Variants in TMEM64 observed in about 807,000 individuals in gnomAD.
TMEM64 encodes the protein transmembrane protein 64.
A neutral mutation model predicts 24.5 loss-of-function variants in TMEM64; 19 were observed. That is an observed-to-expected ratio of 0.78 (90% CI 0.54 to 1.14). The LOEUF (loss-of-function observed/expected upper bound fraction) is 1.14. Among genes scored for constraint, TMEM64 ranks in the 50% most tolerant of loss-of-function variants. TMEM64 has a pLI of 0.00. For missense variants in TMEM64, 487 were observed against 493.0 expected (o/e 0.99, Z 0.12); for synonymous variants, 262 against 224.7 (o/e 1.17, Z -1.49).
At chr8:90,635,289 T>C (rs1364600563) in intron 1 of TMEM64, among the ~76,000 whole-genome samples, 1 of 152,176 alleles carries the variant, frequency 6.6e-6, no homozygotes, top group African/African-American at 2.4e-5. Flanking sequence ...AGTATGAGTT[T>C]GGCAAGCAAA....
chr8:90,634,229 C>G (rs1157438621), intron 1 of TMEM64, among the ~76,000 whole-genome samples: 1 of 152,122 alleles, frequency 6.6e-6, no homozygotes, highest in Non-Finnish European at 1.5e-5. Flanking sequence ...TAATCAATAA[C>G]TTCTCCATGG....
At position 90,628,275 on chromosome 8, in the gene TMEM64, G is replaced by T. The variant is rs145350231; in HGVS notation, c.952-2413C>A. Among the ~76,000 whole-genome samples the T allele has an allele frequency of 2.1e-3, 324 of 152,298 alleles. 2 individuals are homozygous for T. Among genetic ancestry groups the T allele is most frequent in the African/African-American group, 7.5e-3 (313 of 41,568 alleles). On this transcript the variant is annotated intron_variant, in intron 2 of 2. Coordinates refer to ENST00000458549, the MANE Select transcript of TMEM64 (RefSeq NM_001008495.4). ...TAACTGGAAAGCAAGCTAAGCAGGG[G>T]CAGGAACATAAGAAGTTAACAGATT...
At chr8:90,638,376 C>T (rs112142749) in intron 1 of TMEM64, among the ~76,000 whole-genome samples, 2,982 of 152,206 alleles carry the variant, frequency 0.02, 82 homozygotes, top group African/African-American at 0.068. Flanking sequence ...CCATTTACTC[C>T]GAAAACTCCT....
chr8:90,640,460 T>C (rs1809588505), intron 1 of TMEM64, among the ~76,000 whole-genome samples: 1 of 152,192 alleles, frequency 6.6e-6, no homozygotes, highest in Non-Finnish European at 1.5e-5. Flanking sequence ...AGAACATTTG[T>C]CTTTTTAAAA....
chr8:90,634,345 A>G (rs1407827816), intron 1 of TMEM64, among the ~76,000 whole-genome samples: 1 of 152,218 alleles, frequency 6.6e-6, no homozygotes, highest in East Asian at 1.9e-4. Flanking sequence ...TACTAGAACT[A>G]AAACATGGGT....
intron 1 of TMEM64, among the ~76,000 whole-genome samples, chr8:90,642,605 C>T (rs1353544769): frequency 6.6e-6 from 1 of 152,200 alleles, no homozygotes; most frequent in Non-Finnish European, 1.5e-5. Flanking sequence ...TCAGCCTTAA[C>T]TAAGCTTTCT....
intron 1 of TMEM64, among the ~76,000 whole-genome samples, chr8:90,642,415 T>A (rs115243353): frequency 0.15 from 21,881 of 149,926 alleles, 3,092 homozygotes; most frequent in African/African-American, 0.39. Context: ...TAACTGGAAT[T>A]TTTTTCTTTA....
At chr8:90,642,860 G>C (rs1481646243) in intron 1 of TMEM64, among the ~76,000 whole-genome samples, 1 of 152,196 alleles carries the variant, frequency 6.6e-6, no homozygotes, top group Non-Finnish European at 1.5e-5. Context: ...TTCCTGGATG[G>C]TTGAGCCTCT....
rs1809680686 is a variant in TMEM64, at chr8:90,645,500, A to G, written c.406T>C (p.Ser136Pro). The change falls in exon 1 of 3, where the codon TCC (serine) becomes CCC (proline). Residue 136 changes from serine to proline, a missense_variant. Physicochemically the swap from Ser to Pro is moderately conservative, Grantham distance 74 (BLOSUM62 -1). Around this residue, in one of 3 missense-constraint regions of TMEM64, gnomAD observed 419 missense variants for 407.5 expected, o/e 1.03. Coordinates refer to ENST00000458549, the MANE Select transcript of TMEM64 (RefSeq NM_001008495.4). This position sits in a 1 kb window ranked among gnomAD's most constrained non-coding sequence, Gnocchi z 4.2. ...VCVLAALCFASLALVRRYLHH... is the reference protein window; with the variant it reads ...VCVLAALCFAPLALVRRYLHH... Reference sequence around the variant, plus strand: ...AGGTAGCGGCGGACCAGGGCCAGGGAAGCGAAGCACAGGGCGGCCAACACG... The same window carrying G: ...AGGTAGCGGCGGACCAGGGCCAGGGGAGCGAAGCACAGGGCGGCCAACACG... The G allele has an allele frequency of 6.4e-7, 1 of 1,550,860 alleles. No homozygotes were observed. Among genetic ancestry groups the G allele is most frequent in the Non-Finnish European group, 8.7e-7 (1 of 1,146,974 alleles).
intron 2 of TMEM64, 34 bp downstream of exon 2, chr8:90,631,518 G>GA: frequency 2.7e-6 from 4 of 1,461,170 alleles, no homozygotes; most frequent in African/African-American, 1.4e-5. Flanking sequence ...GAAACAGAGA[G>GA]AAAAAAAGAG....
rs958132812 is a variant in TMEM64 at position 90,622,095 on chromosome 8, A to C, written c.*3576T>G. On this transcript the variant is annotated 3_prime_UTR_variant, in exon 3 of 3. Coordinates refer to ENST00000458549, the MANE Select transcript of TMEM64 (RefSeq NM_001008495.4). ...TTTCCCTTTAGAATGATCTATTTTA[A>C]ATCTTCAGCCACCTTAGAAAAAGTT... 1.3e-5 allele frequency: 2 copies of C among 152,196 alleles called. No individual in the cohort carries two copies. The highest frequency in any genetic ancestry group is 4.8e-5 in the African/African-American group (2 of 41,446). The allele number at this position is 152,196 out of a possible 1,614,324, so 9.4% of individuals were successfully genotyped here. A position where few individuals can be genotyped will look rare whatever the true frequency, so the allele number is the denominator to read the frequency against.
At chr8:90,633,546 C>A (rs376871125) in intron 1 of TMEM64, among the ~76,000 whole-genome samples, 1 of 152,160 alleles carries the variant, frequency 6.6e-6, no homozygotes, top group African/African-American at 2.4e-5. Context: ...CGTATCTTAA[C>A]TCTGGTAGGA....
chr8:90,635,697 C>T (rs368959240), intron 1 of TMEM64, among the ~76,000 whole-genome samples: 1 of 151,962 alleles, frequency 6.6e-6, no homozygotes, highest in East Asian at 1.9e-4. Context: ...CTTACAGGAG[C>T]AGAGAAATTT....
rs1236351243 is a variant in TMEM64 at position 90,646,058 on chromosome 8, G to A, written c.-153C>T. The A allele has an allele frequency of 7.5e-6, 2 of 266,114 alleles. No individual in the cohort carries two copies. Among genetic ancestry groups the A allele is most frequent in the East Asian group, 2.0e-4 (2 of 9,830 alleles). The allele number at this position is 266,114 out of a possible 1,614,324, so 16.5% of individuals were successfully genotyped here. ...GCCCGTAGAAGGGCGCGGAGTCAGC[G>A]GAGGAGCGACGGCCAGGCGGGGAGT... is the stretch of plus-strand genomic sequence containing the variant. On this transcript the variant is annotated 5_prime_UTR_variant, in exon 1 of 3. Transcript: ENST00000458549.
At chr8:90,639,894 G>A (rs186616653) in intron 1 of TMEM64, among the ~76,000 whole-genome samples, 8 of 151,992 alleles carry the variant, frequency 5.3e-5, no homozygotes, top group Non-Finnish European at 8.8e-5. Context: ...ATCTAGGAAG[G>A]GTTAATAAAA....
intron 1 of TMEM64, among the ~76,000 whole-genome samples, chr8:90,633,492 T>C (rs185573086): frequency 6.6e-6 from 1 of 152,330 alleles, no homozygotes; most frequent in East Asian, 1.9e-4. Flanking sequence ...TGTTTTAAGC[T>C]ACTAAGTTTT....
At chr8:90,630,517 A>G (rs1809421277) in intron 2 of TMEM64, among the ~76,000 whole-genome samples, 1 of 152,132 alleles carries the variant, frequency 6.6e-6, no homozygotes, top group African/African-American at 2.4e-5. Context: ...TTACTATCTA[A>G]TGGTGTCTTT....
At chr8:90,628,622 T>C (rs1809395358) in intron 2 of TMEM64, among the ~76,000 whole-genome samples, 1 of 135,072 alleles carries the variant, frequency 7.4e-6, no homozygotes, top group Non-Finnish European at 1.6e-5. Context: ...TATTCAGGTT[T>C]GGGGTTTTGG....
At position 90,625,641 on chromosome 8, in the gene TMEM64, G is replaced by C; in HGVS notation, c.*30C>G. 6.3e-7 allele frequency: 1 copy of C among 1,587,128 alleles called. No homozygotes were observed. The highest frequency in any genetic ancestry group is 8.6e-7 in the Non-Finnish European group (1 of 1,159,540). On this transcript the variant is annotated 3_prime_UTR_variant, in exon 3 of 3. Transcript: ENST00000458549. ...CTGCTAGACCTTAGATAGCACACTAGGCTCTTGACAATCACGTATCTCATT... is the reference window on the plus strand; with the variant it reads ...CTGCTAGACCTTAGATAGCACACTACGCTCTTGACAATCACGTATCTCATT...
Sources: gnomAD v4.1 joint callset for allele counts (sites outside exome capture counted in the v4.1 genomes callset) on GRCh38, gnomAD v4.1.1 for gene constraint, gnomAD v4.1.1 regional missense constraint, Gnocchi (gnomAD v3.1) non-coding constraint, MANE v1.5 for transcripts, NCBI Gene and HGNC (gene_info 2026-07-23, HGNC 2026-07-21) for gene names.